HIVEP3: variants seen among roughly 807,000 people sequenced by gnomAD.
HIVEP3 encodes HIVEP zinc finger 3.
In HIVEP3, 49 loss-of-function variants were observed where a neutral mutation model predicts 152.8. The observed-to-expected ratio is 0.32, with a 90% confidence interval of 0.26 to 0.41. The LOEUF (loss-of-function observed/expected upper bound fraction) is 0.41, where lower values mean the gene tolerates loss of function less well. HIVEP3 is among the 10% of genes least tolerant of loss of function. The pLI, the probability that HIVEP3 is intolerant of heterozygous loss-of-function variation, is 1.00. For synonymous variants in HIVEP3, 1,269 were observed against 1,289.0 expected, an observed-to-expected ratio of 0.98 and a Z score of 0.33; for missense variants, 2,790 against 3,103.3, an observed-to-expected ratio of 0.90 and a Z score of 2.40.
intron 1 of HIVEP3, among the ~76,000 whole-genome samples, chr1:41,705,688 TA>T (rs769381902): frequency 1.7e-4 from 26 of 152,132 alleles, no homozygotes; most frequent in Non-Finnish European, 2.8e-4. Context: ...GTAGTGAAAA[TA>T]GACAGAATGC....
chr1:41,663,549 G>C (rs966124962), intron 2 of HIVEP3, among the ~76,000 whole-genome samples: 13 of 152,162 alleles, frequency 8.5e-5, no homozygotes, highest in African/African-American at 3.1e-4. Context: ...TAGTGACCTT[G>C]GGCATTTGTG....
At chr1:41,588,934 G>T (rs1644545284) in intron 3 of HIVEP3, among the ~76,000 whole-genome samples, 1 of 152,186 alleles carries the variant, frequency 6.6e-6, no homozygotes, top group African/African-American at 2.4e-5. Flanking sequence ...AGGACCACAG[G>T]TGCAGATGTA....
chr1:41,595,407 C>T (rs1570050018), intron 3 of HIVEP3, among the ~76,000 whole-genome samples: 1 of 152,312 alleles, frequency 6.6e-6, no homozygotes, highest in East Asian at 1.9e-4. Flanking sequence ...TCTCTCCATC[C>T]TGCTCTTACA....
rs189196762 is a variant in HIVEP3, at chr1:42,006,534, T to C, written n.119+29273A>G. ...TCATTACATGTTAACATAAGTAACA[T>C]ATTTTATGAAAAATAACTATACTTT... On this transcript the variant is annotated intron_variant and non_coding_transcript_variant, in intron 1 of 3. Transcript: ENST00000489103. 1.8e-4 allele frequency among the ~76,000 whole-genome samples: 27 copies of C among 148,958 alleles called. 1 individual carries two copies. The East Asian group carries it at 5.4e-3, about 30-fold the overall frequency.
intron 1 of HIVEP3, among the ~76,000 whole-genome samples, chr1:41,761,445 C>A (rs1647675170): frequency 6.6e-6 from 1 of 151,690 alleles, no homozygotes; most frequent in Non-Finnish European, 1.5e-5. Context: ...TGTGTGTATA[C>A]ACCTGAGTGT....
In HIVEP3 at chr1:41,559,134, C is replaced by T. The variant is rs148627521; in HGVS notation, c.5207+16410G>A. ...CCGCTTGGAGCTTTGGCCCCGCTGC[C>T]TCCTTTGGTCCAAGGCCTTTCACCA... On this transcript the variant is annotated intron_variant, in intron 5 of 8. Coordinates refer to ENST00000372583, the MANE Select transcript of HIVEP3 (RefSeq NM_024503.5). 6.7e-3 allele frequency among the ~76,000 whole-genome samples: 1,017 copies of T among 152,212 alleles called. 12 individuals are homozygous for T. The highest frequency in any genetic ancestry group is 0.023 in the African/African-American group (964 of 41,520).
chr1:41,799,101 CA>C (rs1157929384), intron 1 of HIVEP3, among the ~76,000 whole-genome samples: 4 of 152,186 alleles, frequency 2.6e-5, no homozygotes, highest in Admixed American at 6.5e-5. Flanking sequence ...AAATACAACA[CA>C]AAATAATATA....
At chr1:41,808,115 A>G (rs1650740783) in intron 1 of HIVEP3, among the ~76,000 whole-genome samples, 1 of 152,222 alleles carries the variant, frequency 6.6e-6, no homozygotes, top group Non-Finnish European at 1.5e-5. Context: ...AATCTTCACA[A>G]CAACCCTATA....
intron 1 of HIVEP3, among the ~76,000 whole-genome samples, chr1:41,875,906 G>T (rs1644162307): frequency 1.3e-5 from 2 of 152,082 alleles, no homozygotes; most frequent in Admixed American, 6.5e-5. Flanking sequence ...CTTTTTAAAT[G>T]ACTCTCTCCC....
chr1:41,781,128 G>A (rs1257381523), intron 1 of HIVEP3, among the ~76,000 whole-genome samples: 1 of 152,214 alleles, frequency 6.6e-6, no homozygotes, highest in African/African-American at 2.4e-5. Context: ...AGAGGAATGA[G>A]AAGGCCGTGT....
chr1:41,562,579 C>CTTCTT (rs1644085972), intron 5 of HIVEP3, among the ~76,000 whole-genome samples: 2 of 58,460 alleles, frequency 3.4e-5, no homozygotes, highest in African/African-American at 8.2e-5. Flanking sequence ...CCTTCTTTTC[C>CTTCTT]TTCCTTCCTT....
chr1:41,974,486 T>TACAC (rs66882363), intron 1 of HIVEP3, among the ~76,000 whole-genome samples: 6,311 of 134,212 alleles, frequency 0.047, 202 homozygotes, highest in African/African-American at 0.09. Flanking sequence ...CTCCACCCCC[T>TACAC]ACACACACAC....
intron 1 of HIVEP3, among the ~76,000 whole-genome samples, chr1:41,887,757 T>C (rs1384854987): frequency 1.3e-5 from 2 of 152,166 alleles, no homozygotes; most frequent in African/African-American, 4.8e-5. Context: ...TAAAGATAAA[T>C]AGCCCCAAAT....
chr1:41,526,272 C>T (rs1283541193), intron 5 of HIVEP3, among the ~76,000 whole-genome samples: 2 of 150,990 alleles, frequency 1.3e-5, no homozygotes, highest in African/African-American at 2.4e-5. Context: ...CACCCACACA[C>T]TCACCCTCAC....
intron 5 of HIVEP3, among the ~76,000 whole-genome samples, chr1:41,562,635 C>CTTTCTTTCTT (rs1339783475): frequency 1.0e-4 from 10 of 95,812 alleles, no homozygotes; most frequent in African/African-American, 4.6e-4. Flanking sequence ...CTCTCTCTCC[C>CTTTCTTTCTT]TCTCTCTCTC....
At chr1:41,621,919 C>T (rs1347853458) in intron 3 of HIVEP3, among the ~76,000 whole-genome samples, 10 of 152,228 alleles carry the variant, frequency 6.6e-5, no homozygotes, top group African/African-American at 2.4e-4. Flanking sequence ...ACTCAAATGC[C>T]TTCACCTTCC....
At chr1:41,777,643 G>A (rs1401945847) in intron 1 of HIVEP3, among the ~76,000 whole-genome samples, 3 of 152,232 alleles carry the variant, frequency 2.0e-5, no homozygotes, top group African/African-American at 4.8e-5. Flanking sequence ...AGAGGAAAGA[G>A]CTTTGGGTTA....
At chr1:41,834,759 C>T (rs1470805770) in intron 1 of HIVEP3, among the ~76,000 whole-genome samples, 1 of 152,080 alleles carries the variant, frequency 6.6e-6, no homozygotes, top group African/African-American at 2.4e-5. Context: ...AGACACAATA[C>T]AGTATCAGTT....
chr1:41,556,526 G>C (rs1268609395), intron 5 of HIVEP3, among the ~76,000 whole-genome samples: 1 of 152,130 alleles, frequency 6.6e-6, no homozygotes, highest in Non-Finnish European at 1.5e-5. Context: ...ACATATTCTG[G>C]ATATCAAGCC....
Sources: allele counts gnomAD v4.1 joint callset (sites outside exome capture counted in the v4.1 genomes callset), GRCh38; gene constraint gnomAD v4.1.1; transcripts MANE v1.5; gene names NCBI Gene and HGNC (gene_info 2026-07-23, HGNC 2026-07-21).